SEMA3D: variants seen among roughly 807,000 people sequenced by gnomAD.
SEMA3D encodes semaphorin-3D.
Under a neutral mutation model 100.1 loss-of-function variants are expected in SEMA3D, and 84 were observed. The ratio of observed to expected loss-of-function variants is 0.84; its 90% CI spans 0.70 to 1.01. The LOEUF (loss-of-function observed/expected upper bound fraction) is 1.01. SEMA3D is among the 50% of genes least tolerant of loss of function. SEMA3D has a pLI of 0.00. For missense variants in SEMA3D, 875 were observed against 934.1 expected (o/e 0.94, Z 0.82); for synonymous variants, 312 against 320.7 (o/e 0.97, Z 0.29).
chr7:85,166,366 G>A (rs1790905236), intron 1 of SEMA3D, among the ~76,000 whole-genome samples: 1 of 151,892 alleles, frequency 6.6e-6, no homozygotes, highest in Admixed American at 6.6e-5. Flanking sequence ...AAATAGTTCA[G>A]GCAAAAGAAC....
the SEMA3D span, among the ~76,000 whole-genome samples, chr7:85,196,147 C>T: frequency 6.6e-6 from 1 of 151,982 alleles, no homozygotes; most frequent in South Asian, 2.1e-4. Flanking sequence ...CAGCTTTTTC[C>T]CCCGCAACAT....
At chr7:85,020,870 G>A (rs1790235236) in intron 13 of SEMA3D, among the ~76,000 whole-genome samples, 1 of 151,528 alleles carries the variant, frequency 6.6e-6, no homozygotes, top group Non-Finnish European at 1.5e-5. Flanking sequence ...ATTAATAGAT[G>A]AGAAATGGAA....
chr7:85,081,398 G>C (rs868518988), intron 5 of SEMA3D, 119 bp downstream of exon 5: 7 of 618,020 alleles, frequency 1.1e-5, no homozygotes, highest in Non-Finnish European at 2.0e-5. Flanking sequence ...CATAGAATAT[G>C]TTAGTTTAGT....
At chr7:85,132,118 A>C (rs1024235144) in intron 2 of SEMA3D, among the ~76,000 whole-genome samples, 9 of 151,914 alleles carry the variant, frequency 5.9e-5, no homozygotes, top group Admixed American at 1.3e-4. Flanking sequence ...TTTTACTTAC[A>C]TTAAAATTGT....
rs138177058 is a variant in SEMA3D, at chr7:85,051,069, T to C, written c.861+4648A>G. On this transcript the variant is annotated intron_variant, in intron 9 of 18. Coordinates refer to ENST00000284136, the MANE Select transcript of SEMA3D (RefSeq NM_001384900.1). ...AGTAAATTGTTACATGCTTGTAAACTTAGATATCTAAGTTACCCTTGTTTT... is the reference window on the plus strand; with the variant it reads ...AGTAAATTGTTACATGCTTGTAAACCTAGATATCTAAGTTACCCTTGTTTT... 7.2e-3 allele frequency among the ~76,000 whole-genome samples: 1,099 copies of C among 152,048 alleles called. 13 individuals carry two copies. Among genetic ancestry groups the C allele is most frequent in the African/African-American group, 0.025 (1,025 of 41,540 alleles).
rs913795978 is a variant in SEMA3D at position 85,031,758 on chromosome 7, C to T, written c.1191+5131G>A. Among the ~76,000 whole-genome samples the T allele has an allele frequency of 1.1e-4, 16 of 151,936 alleles. 1 individual carries two copies. In the East Asian group the frequency reaches 1.9e-3, roughly 18 times the overall value. ...TAAGAATGTAGTGAGATAACGTATA[C>T]GGGCTTATCAGAGTGTCTGGATCAT... On this transcript the variant is annotated intron_variant, in intron 12 of 18. Coordinates refer to ENST00000284136, the MANE Select transcript of SEMA3D (RefSeq NM_001384900.1).
intron 9 of SEMA3D, among the ~76,000 whole-genome samples, chr7:85,044,988 T>C (rs1448357732): frequency 6.6e-6 from 1 of 152,078 alleles, no homozygotes; most frequent in East Asian, 1.9e-4. Context: ...TAACTAAGAA[T>C]AAAACATAAA....
At chr7:85,148,068 C>G (rs956566818) in intron 2 of SEMA3D, among the ~76,000 whole-genome samples, 10 of 152,046 alleles carry the variant, frequency 6.6e-5, no homozygotes, top group African/African-American at 2.4e-4. Context: ...CAATGACAAT[C>G]TATTTAAAGG....
At chr7:85,231,304 A>G in the SEMA3D span, among the ~76,000 whole-genome samples, 1 of 152,074 alleles carries the variant, frequency 6.6e-6, no homozygotes, top group Non-Finnish European at 1.5e-5. Flanking sequence ...ATTAATCATT[A>G]ATTTTCCTGA....
intron 9 of SEMA3D, among the ~76,000 whole-genome samples, chr7:85,053,274 A>G (rs1791217431): frequency 6.6e-6 from 1 of 151,960 alleles, no homozygotes; most frequent in Non-Finnish European, 1.5e-5. Flanking sequence ...CTCTAACATG[A>G]TCTGTTGCTT....
At chr7:85,208,217 G>C in the SEMA3D span, among the ~76,000 whole-genome samples, 4 of 151,902 alleles carry the variant, frequency 2.6e-5, no homozygotes, top group South Asian at 4.2e-4. Context: ...GATATATAAT[G>C]TCAAAACAAA....
At chr7:85,238,031 T>C in the SEMA3D span, among the ~76,000 whole-genome samples, 3 of 152,224 alleles carry the variant, frequency 2.0e-5, no homozygotes, top group Non-Finnish European at 4.4e-5. Context: ...ATGTTGAACA[T>C]CTTTTCAAAT....
At chr7:85,193,834 T>C in the SEMA3D span, among the ~76,000 whole-genome samples, 1 of 150,144 alleles carries the variant, frequency 6.7e-6, no homozygotes, top group Admixed American at 6.7e-5. Flanking sequence ...ATCATGCCCA[T>C]CTTTCAACAA....
intron 8 of SEMA3D, among the ~76,000 whole-genome samples, chr7:85,060,853 T>G (rs1432453389): frequency 6.6e-6 from 1 of 152,170 alleles, no homozygotes; most frequent in Non-Finnish European, 1.5e-5. Flanking sequence ...AAATGAAAAC[T>G]GTCTCCATAT....
At chr7:85,239,516 G>A in the SEMA3D span, among the ~76,000 whole-genome samples, 1 of 152,156 alleles carries the variant, frequency 6.6e-6, no homozygotes, top group Non-Finnish European at 1.5e-5. Context: ...GTGGCACAGT[G>A]TCATAGCAGC....
At chr7:85,171,258 G>C (rs1214148442) in intron 1 of SEMA3D, among the ~76,000 whole-genome samples, 1 of 152,018 alleles carries the variant, frequency 6.6e-6, no homozygotes, top group African/African-American at 2.4e-5. Flanking sequence ...AGAGGTTAGA[G>C]TTAATAATTT....
chr7:85,171,436 G>T (rs866902514), intron 1 of SEMA3D, among the ~76,000 whole-genome samples: 4 of 151,942 alleles, frequency 2.6e-5, no homozygotes, highest in Non-Finnish European at 4.4e-5. Context: ...GGAAACCCGG[G>T]AATTATGGGG....
At chr7:85,113,278 T>C (rs1479518029) in intron 3 of SEMA3D, among the ~76,000 whole-genome samples, 1 of 152,132 alleles carries the variant, frequency 6.6e-6, no homozygotes, top group Non-Finnish European at 1.5e-5. Context: ...TCCTTACTTA[T>C]TATTCAGGAA....
At chr7:85,104,384 G>C (rs1321669074) in intron 3 of SEMA3D, among the ~76,000 whole-genome samples, 2 of 152,034 alleles carry the variant, frequency 1.3e-5, no homozygotes, top group Non-Finnish European at 2.9e-5. Flanking sequence ...ATTTCCTTTA[G>C]CAAGCCTAAT....
Sources: gnomAD v4.1 joint callset for allele counts (sites outside exome capture counted in the v4.1 genomes callset) on GRCh38, gnomAD v4.1.1 for gene constraint, MANE v1.5 for transcripts, NCBI Gene and HGNC (gene_info 2026-07-23, HGNC 2026-07-21) for gene names.